Variants in LCLAT1 observed in about 807,000 individuals in gnomAD.
LCLAT1 encodes the protein lysocardiolipin acyltransferase 1.
Under a neutral mutation model 30.7 loss-of-function variants are expected in LCLAT1, and 11 were observed. The observed-to-expected ratio is 0.36, with a 90% CI of 0.23 to 0.59. The LOEUF is 0.59. Among genes scored for constraint, LCLAT1 ranks in the 20% least tolerant of loss-of-function variants. The probability of loss-of-function intolerance (pLI) is 0.77; values close to 1 mark genes in which losing one functional copy is unlikely to be tolerated. For synonymous variants in LCLAT1, 155 were observed against 151.3 expected, an observed-to-expected ratio of 1.02 and a Z score of -0.18; for missense variants, 402 against 458.6, an observed-to-expected ratio of 0.88 and a Z score of 1.13.
chr2:30,605,939 C>G (rs1286768477), intron 5 of LCLAT1: 3 of 1,081,840 alleles, frequency 2.8e-6, no homozygotes, highest in Non-Finnish European at 3.6e-6. Flanking sequence ...ACCTAGATCC[C>G]TCACTTGCAC....
rs555860457 is a variant in LCLAT1 at position 30,553,157 on chromosome 2, GA to G, written c.365-8979del. On this transcript the variant is annotated intron_variant, in intron 3 of 5. Transcript: ENST00000379509. The stretch of plus-strand genomic sequence containing the variant: ...TAACTATATTCATCTACACTGAAAT[GA>G]AAAAAAAAAGTTGTGAAAAGGCTTA... Among the ~76,000 whole-genome samples, 16 of 147,962 alleles carry G rather than the reference GA, an allele frequency of 1.1e-4. 1 individual carries two copies. Among genetic ancestry groups the G allele is most frequent in the South Asian group, 6.4e-4 (3 of 4,708 alleles).
At chr2:30,514,029 G>A (rs1396157979) in intron 1 of LCLAT1, among the ~76,000 whole-genome samples, 1 of 152,164 alleles carries the variant, frequency 6.6e-6, no homozygotes, top group Admixed American at 6.5e-5. Flanking sequence ...ACTGAGACCT[G>A]TCTCAAATTT....
At chr2:30,508,906 A>G (rs1391419214) in intron 1 of LCLAT1, among the ~76,000 whole-genome samples, 3 of 152,176 alleles carry the variant, frequency 2.0e-5, no homozygotes, top group African/African-American at 7.2e-5. Context: ...TGAGCATGAA[A>G]TGTTTTTCCA....
At chr2:30,623,056 T>G (rs1668340676) in intron 5 of LCLAT1, among the ~76,000 whole-genome samples, 1 of 142,692 alleles carries the variant, frequency 7.0e-6, no homozygotes, top group African/African-American at 2.6e-5. Flanking sequence ...ATTTTTTTTT[T>G]TTTTTTTTTT....
intron 4 of LCLAT1, among the ~76,000 whole-genome samples, chr2:30,566,348 C>A (rs2148446919): frequency 6.6e-6 from 1 of 152,238 alleles, no homozygotes; most frequent in East Asian, 1.9e-4. Context: ...TTCCTAATCC[C>A]ATTTAAGGTC....
At chr2:30,488,454 C>G (rs1339416991) in intron 1 of LCLAT1, among the ~76,000 whole-genome samples, 1 of 152,206 alleles carries the variant, frequency 6.6e-6, no homozygotes, top group African/African-American at 2.4e-5. Context: ...GCAGCCACAT[C>G]CCTCACCAAC....
In LCLAT1 at chr2:30,455,905, A is replaced by G. The variant is rs1161551802; in HGVS notation, c.-5+8522A>G. On this transcript the variant is annotated intron_variant, in intron 1 of 5. Transcript: ENST00000379509. The stretch of plus-strand genomic sequence containing the variant: ...AGCCTGGGTGACGGAGTGAGACCCT[A>G]TATCAAAAAAAAAAAAAAAAAAAAA... 1.5e-4 allele frequency among the ~76,000 whole-genome samples: 11 copies of G among 72,616 alleles called. No homozygotes were observed. The Admixed American group carries it at 1.8e-3, about 12-fold the overall frequency. 47.6% of individuals were successfully genotyped at this position (72,616 alleles called of 152,430 possible).
intron 1 of LCLAT1, among the ~76,000 whole-genome samples, chr2:30,477,471 T>C (rs1301148994): frequency 2.0e-5 from 3 of 152,208 alleles, no homozygotes; most frequent in Non-Finnish European, 4.4e-5. Flanking sequence ...CATTTCTGGA[T>C]ACTTGTTTGG....
Position 30,493,860 on chromosome 2 carries a change from A to G in LCLAT1, c.-4-31727A>G, listed in dbSNP as rs1047893245. On this transcript the variant is annotated intron_variant, in intron 1 of 5. Transcript: ENST00000379509. ...AGTACATAGAGGCATTAGTTATTTA[A>G]AAAATAGTTTTGACTGGGCGAAGTG... 7.9e-5 allele frequency among the ~76,000 whole-genome samples: 12 copies of G among 152,190 alleles called. 1 individual carries two copies. The highest frequency in any genetic ancestry group is 7.9e-4 in the Admixed American group (12 of 15,282).
chr2:30,600,996 T>C (rs1319222016), intron 5 of LCLAT1, among the ~76,000 whole-genome samples: 1 of 152,180 alleles, frequency 6.6e-6, no homozygotes, highest in Non-Finnish European at 1.5e-5. Flanking sequence ...TAATTCTTTT[T>C]TCTCTAATCT....
chr2:30,531,524 C>A (rs796801854), intron 2 of LCLAT1, among the ~76,000 whole-genome samples: 8 of 152,084 alleles, frequency 5.3e-5, no homozygotes, highest in Non-Finnish European at 8.8e-5. Flanking sequence ...TTTTTATTGA[C>A]CTCTTGGAGG....
intron 1 of LCLAT1, among the ~76,000 whole-genome samples, chr2:30,453,289 TTCTTCCAGC>T (rs1410491416): frequency 6.6e-5 from 10 of 152,120 alleles, no homozygotes; most frequent in Non-Finnish European, 1.3e-4. Flanking sequence ...GTGGCGGCGG[TTCTTCCAGC>T]TCTTCCAGCT....
intron 5 of LCLAT1, among the ~76,000 whole-genome samples, chr2:30,589,166 A>G (rs1157419306): frequency 6.6e-6 from 1 of 152,242 alleles, no homozygotes; most frequent in Non-Finnish European, 1.5e-5. Context: ...GGGAATTCCT[A>G]CAGACATAGT....
chr2:30,640,581 C>CACAA lies in LCLAT1; in HGVS notation c.1097_1100dup (p.Pro368ThrfsTer10). 1 of 1,609,986 alleles carries CACAA rather than the reference C, an allele frequency of 6.2e-7. No individual in the cohort carries two copies. Among genetic ancestry groups the CACAA allele is most frequent in the South Asian group, 1.1e-5 (1 of 90,048 alleles). On this transcript the variant is annotated frameshift_variant, in exon 6 of 6. Coordinates refer to ENST00000379509, the MANE Select transcript of LCLAT1 (RefSeq NM_001002257.3). LOFTEE classifies it high-confidence loss of function. ...AGAACTTGCATGTTACCGACTTTTA[C>CACAA]ACAAACAGCCACATTTAAATTCAAA...
At chr2:30,482,258 C>T (rs1175741929) in intron 1 of LCLAT1, among the ~76,000 whole-genome samples, 1 of 152,054 alleles carries the variant, frequency 6.6e-6, no homozygotes. Flanking sequence ...TACATTTTTC[C>T]TTTATAAATA....
At chr2:30,564,892 C>T (rs187184119) in intron 4 of LCLAT1, among the ~76,000 whole-genome samples, 2 of 152,000 alleles carry the variant, frequency 1.3e-5, no homozygotes, top group Non-Finnish European at 2.9e-5. Flanking sequence ...TTGGTTATAA[C>T]TTTTTAATGG....
intron 5 of LCLAT1, among the ~76,000 whole-genome samples, chr2:30,594,125 T>G (rs890192084): frequency 6.6e-6 from 1 of 152,124 alleles, no homozygotes; most frequent in African/African-American, 2.4e-5. Context: ...AGCCTTTTCT[T>G]TTTCATTATA....
At chr2:30,465,690 G>T (rs1023408306) in intron 1 of LCLAT1, among the ~76,000 whole-genome samples, 1 of 152,166 alleles carries the variant, frequency 6.6e-6, no homozygotes, top group Non-Finnish European at 1.5e-5. Context: ...ACATTAAAAT[G>T]AAAAGTTAAC....
At chr2:30,582,893 A>T (rs1456667527) in intron 5 of LCLAT1, among the ~76,000 whole-genome samples, 1 of 152,216 alleles carries the variant, frequency 6.6e-6, no homozygotes, top group East Asian at 1.9e-4. Flanking sequence ...CTTAAGTTCC[A>T]TTGGCTAATA....
Sources: allele counts gnomAD v4.1 joint callset (sites outside exome capture counted in the v4.1 genomes callset), GRCh38; gene constraint gnomAD v4.1.1; transcripts MANE v1.5; gene names NCBI Gene and HGNC (gene_info 2026-07-23, HGNC 2026-07-21).